The following GPC5 variants were observed in gnomAD, a reference collection of about 807,000 sequenced individuals.
The protein encoded by GPC5 is glypican-5.
A neutral mutation model predicts 53.9 loss-of-function variants in GPC5; 47 were observed. The ratio of observed to expected loss-of-function variants is 0.87; its 90% confidence interval spans 0.69 to 1.11. The LOEUF (loss-of-function observed/expected upper bound fraction) is 1.11. Among genes scored for constraint, GPC5 ranks in the 50% most tolerant of loss-of-function variants. The pLI is 0.00. For synonymous variants in GPC5, 286 were observed against 263.3 expected (o/e 1.09, Z -0.84); for missense variants, 748 against 713.1 (o/e 1.05, Z -0.56).
At chr13:92,809,396 A>G (rs913175947) in intron 7 of GPC5, among the ~76,000 whole-genome samples, 1 of 152,156 alleles carries the variant, frequency 6.6e-6, no homozygotes, top group African/African-American at 2.4e-5. Context: ...CTAACAGTAC[A>G]TGACTTCACA....
chr13:91,738,160 C>T (rs1263247394), intron 4 of GPC5, among the ~76,000 whole-genome samples: 1 of 151,396 alleles, frequency 6.6e-6, no homozygotes, highest in African/African-American at 2.5e-5. Context: ...TAGAAGTTCT[C>T]TTCCTGATTC....
At chr13:92,823,372 T>C (rs1877739606) in intron 7 of GPC5, among the ~76,000 whole-genome samples, 1 of 152,148 alleles carries the variant, frequency 6.6e-6, no homozygotes, top group South Asian at 2.1e-4. Flanking sequence ...TAAATACAAC[T>C]TATCAGTGTA....
chr13:92,721,374 G>A (rs1019940992), intron 7 of GPC5, among the ~76,000 whole-genome samples: 13 of 151,948 alleles, frequency 8.6e-5, no homozygotes, highest in Admixed American at 8.5e-4. Flanking sequence ...TAATGAAATA[G>A]GTAAAATAAA....
At chr13:91,406,850 G>A (rs986838678) in intron 1 of GPC5, among the ~76,000 whole-genome samples, 2 of 152,058 alleles carry the variant, frequency 1.3e-5, no homozygotes, top group Non-Finnish European at 2.9e-5. Flanking sequence ...TTGTACTACC[G>A]CCCTCTTGTG....
chr13:92,147,542 C>T (rs9560939), intron 7 of GPC5, among the ~76,000 whole-genome samples: 5,365 of 152,014 alleles, frequency 0.035, 214 homozygotes, highest in African/African-American at 0.099. Flanking sequence ...GAAGCATATT[C>T]AACTACTAAT....
chr13:92,766,874 T>C (rs1340892797), intron 7 of GPC5, among the ~76,000 whole-genome samples: 2 of 152,230 alleles, frequency 1.3e-5, no homozygotes, highest in African/African-American at 4.8e-5. Context: ...GTTTTAAACA[T>C]TGCTTGGGTT....
intron 7 of GPC5, among the ~76,000 whole-genome samples, chr13:92,727,205 T>C (rs950351872): frequency 1.3e-5 from 2 of 151,288 alleles, no homozygotes; most frequent in Non-Finnish European, 3.0e-5. Flanking sequence ...CCATGGTCTT[T>C]GAAATGTGTG....
At chr13:92,627,058 C>T (rs79618662) in intron 7 of GPC5, among the ~76,000 whole-genome samples, 3,143 of 152,232 alleles carry the variant, frequency 0.021, 56 homozygotes, top group Non-Finnish European at 0.033. Context: ...CTTCTTAAAA[C>T]ATCTTCCTCT....
chr13:92,002,157 T>C (rs200789605), intron 6 of GPC5, among the ~76,000 whole-genome samples: 2 of 56,926 alleles, frequency 3.5e-5, no homozygotes, highest in East Asian at 3.4e-4. Flanking sequence ...ATTTGGTTGC[T>C]CTGAAGGACT....
chr13:92,295,298 T>C (rs752700679), intron 7 of GPC5, among the ~76,000 whole-genome samples: 1 of 152,244 alleles, frequency 6.6e-6, no homozygotes, highest in Non-Finnish European at 1.5e-5. Context: ...AGGAACAGGC[T>C]ATTTAATTTC....
At chr13:91,548,399 C>A (rs569086829) in intron 2 of GPC5, among the ~76,000 whole-genome samples, 78 of 152,206 alleles carry the variant, frequency 5.1e-4, no homozygotes, top group African/African-American at 1.7e-3. Flanking sequence ...AGATAAAAAT[C>A]TAACAAAATA....
At position 92,315,201 on chromosome 13, in the gene GPC5, G is replaced by A. The variant is rs182538765; in HGVS notation, c.1561+170212G>A. Reference sequence around the variant, plus strand: ...ATTCGGAAGGTTACAGATGGAAGTGGAAATTCTCTCTGGGAAGTTCTGGAA... The same window carrying A: ...ATTCGGAAGGTTACAGATGGAAGTGAAAATTCTCTCTGGGAAGTTCTGGAA... On this transcript the variant is annotated intron_variant, in intron 7 of 7. Transcript: ENST00000377067. 1.8e-3 allele frequency among the ~76,000 whole-genome samples: 268 copies of A among 152,300 alleles called. 1 individual carries two copies. Among genetic ancestry groups the A allele is most frequent in the Non-Finnish European group, 3.0e-3 (201 of 68,016 alleles).
At chr13:91,589,571 T>C (rs2032722430) in intron 2 of GPC5, among the ~76,000 whole-genome samples, 2 of 152,074 alleles carry the variant, frequency 1.3e-5, no homozygotes, top group African/African-American at 4.8e-5. Flanking sequence ...GAAGGAGAGA[T>C]CTATAAACAC....
chr13:92,601,413 G>A (rs1884049918), intron 7 of GPC5, among the ~76,000 whole-genome samples: 1 of 151,716 alleles, frequency 6.6e-6, no homozygotes, highest in South Asian at 2.1e-4. Context: ...AAATCAGCCG[G>A]GCATGGTGGT....
chr13:91,716,998 G>A (rs143031936), intron 3 of GPC5, among the ~76,000 whole-genome samples: 41 of 152,320 alleles, frequency 2.7e-4, no homozygotes, highest in African/African-American at 9.4e-4. Context: ...TACTTCCTCT[G>A]CTCTACTCCA....
intron 7 of GPC5, among the ~76,000 whole-genome samples, chr13:92,148,032 T>C (rs2041880935): frequency 6.6e-6 from 1 of 152,098 alleles, no homozygotes; most frequent in African/African-American, 2.4e-5. Flanking sequence ...GAACTTGAAA[T>C]GCACCACTAT....
rs78031028 is a variant in GPC5, at chr13:92,603,676, T to A, written c.1562-262606T>A. On this transcript the variant is annotated intron_variant, in intron 7 of 7. Transcript: ENST00000377067. The stretch of plus-strand genomic sequence containing the variant: ...CTTTAACAAGGAGACCCAACAACAA[T>A]GGACTTGGAAAAGAAGAGTATATGT... Among the ~76,000 whole-genome samples, 332 of 152,278 alleles carry A rather than the reference T, an allele frequency of 2.2e-3. 3 individuals are homozygous for A. Among genetic ancestry groups the A allele is most frequent in the African/African-American group, 7.9e-3 (327 of 41,560 alleles).
chr13:92,732,078 C>T (rs1049575998), intron 7 of GPC5, among the ~76,000 whole-genome samples: 1 of 151,160 alleles, frequency 6.6e-6, no homozygotes, highest in Non-Finnish European at 1.5e-5. Flanking sequence ...TAAATAGAAG[C>T]ATATGCAACT....
intron 1 of GPC5, among the ~76,000 whole-genome samples, chr13:91,437,771 T>G (rs1334975960): frequency 6.6e-6 from 1 of 152,208 alleles, no homozygotes; most frequent in Non-Finnish European, 1.5e-5. Flanking sequence ...CTTGGTTCCA[T>G]TCTCCCCGTC....
Sources: gnomAD v4.1 joint callset for allele counts (sites outside exome capture counted in the v4.1 genomes callset) on GRCh38, gnomAD v4.1.1 for gene constraint, MANE v1.5 for transcripts, NCBI Gene and HGNC (gene_info 2026-07-23, HGNC 2026-07-21) for gene names.